The following NLRP2 variants were observed in gnomAD, a reference collection of about 807,000 sequenced individuals.
NLRP2 encodes the protein NLR family pyrin domain containing 2, also known as NACHT, LRR and PYD domains-containing protein 2.
A neutral mutation model predicts 97.2 loss-of-function variants in NLRP2; 107 were observed. The ratio of observed to expected loss-of-function variants is 1.10; its 90% CI spans 0.94 to 1.29. The LOEUF (loss-of-function observed/expected upper bound fraction) is 1.29, where lower values mean the gene tolerates loss of function less well. Among genes scored for constraint, NLRP2 ranks in the 50% most tolerant of loss-of-function variants. NLRP2 has a pLI of 0.00. For synonymous variants in NLRP2, 663 were observed against 551.5 expected (o/e 1.20, Z -2.83); for missense variants, 1,495 against 1,330.3 (o/e 1.12, Z -1.93).
Position 54,976,810 on chromosome 19 carries a change from C to CTTTT in NLRP2, c.326-941_326-940insTTTT, listed in dbSNP as rs749684265. 3,145 of 317,068 alleles carry CTTTT rather than the reference C, an allele frequency of 9.9e-3. 277 individuals carry two copies. Among genetic ancestry groups the CTTTT allele is most frequent in the South Asian group, 0.012 (559 of 47,290 alleles). 19.6% of individuals were successfully genotyped at this position (317,068 alleles called of 1,614,324 possible). A position where few individuals can be genotyped will look rare whatever the true frequency, so the allele number is the denominator to read the frequency against. ...TTATTAGGATTCCACCTTGTTCTCT[C>CTTTT]TCTTTTTTTTTTTTTTTTTGATACG... On this transcript the variant is annotated intron_variant, in intron 3 of 12. Coordinates refer to ENST00000448584, the MANE Select transcript of NLRP2 (RefSeq NM_017852.5).
At chr19:54,997,903 C>T (rs965620507) in intron 12 of NLRP2, among the ~76,000 whole-genome samples, 1 of 151,822 alleles carries the variant, frequency 6.6e-6, no homozygotes, top group African/African-American at 2.4e-5. Context: ...GGTTTATAAG[C>T]ATGAACCATT....
At chr19:54,974,785 T>C (rs1489098678) in intron 3 of NLRP2, among the ~76,000 whole-genome samples, 4 of 152,128 alleles carry the variant, frequency 2.6e-5, no homozygotes, top group African/African-American at 7.2e-5. Flanking sequence ...GCTTGGCCTT[T>C]GAATCTGGAT....
chr19:54,966,671 G>T (rs907568217), intron 1 of NLRP2, among the ~76,000 whole-genome samples: 2 of 151,322 alleles, frequency 1.3e-5, no homozygotes, highest in Non-Finnish European at 2.9e-5. Flanking sequence ...TCAGCCTCCC[G>T]AGTAGCTGAG....
intron 12 of NLRP2, among the ~76,000 whole-genome samples, chr19:54,998,227 C>T (rs765016765): frequency 1.2e-4 from 18 of 151,766 alleles, no homozygotes; most frequent in Non-Finnish European, 2.4e-4. Flanking sequence ...CCATGTTGGC[C>T]AGGGTGGTCT....
At chr19:54,971,995 ATTTTTTTTTT>A (rs61335843) in intron 2 of NLRP2, among the ~76,000 whole-genome samples, 1 of 116,388 alleles carries the variant, frequency 8.6e-6, no homozygotes. Context: ...TGCCTGGCTG[ATTTTTTTTTT>A]TTTTTTTTTT....
intron 2 of NLRP2, among the ~76,000 whole-genome samples, chr19:54,971,609 A>G (rs1233299236): frequency 6.6e-6 from 1 of 151,720 alleles, no homozygotes; most frequent in Non-Finnish European, 1.5e-5. Flanking sequence ...TTTTGGCTGC[A>G]TAAATGTCTT....
At chr19:54,975,106 GTTTTTTTTTTTTTTTTTTTTTTTTT>G (rs558518586) in intron 3 of NLRP2, among the ~76,000 whole-genome samples, 17 of 58,708 alleles carry the variant, frequency 2.9e-4, no homozygotes, top group South Asian at 2.7e-3. Context: ...ACCCGGTTTT[GTTTTTTTTTTTTTTTTTTTTTTTTT>G]TTTTTTTTTT....
chr19:54,969,110 TTG>T (rs757990889), intron 1 of NLRP2, among the ~76,000 whole-genome samples: 38 of 152,286 alleles, frequency 2.5e-4, no homozygotes, highest in Admixed American at 1.2e-3. Context: ...CCTTTCATTG[TTG>T]TGTTACTACT....
rs750563035 is a variant in NLRP2 at position 54,981,629 on chromosome 19, C to T, written c.410C>T (p.Thr137Met). 1.2e-5 allele frequency: 18 copies of T among 1,564,510 alleles called. No individual in the cohort carries two copies. Among genetic ancestry groups the T allele is most frequent in the African/African-American group, 8.3e-5 (6 of 72,430 alleles). The change falls in exon 5 of 13, where the codon ACG becomes ATG. Residue 137 changes from threonine to methionine, a missense_variant. Transcript: ENST00000448584. ...FKTEAQAFTETKGNVICLGKE... is the reference protein window; with the variant it reads ...FKTEAQAFTEMKGNVICLGKE... ...TTGTATTTTGTAGCGTTTACAGAAA[C>T]GAAAGGAAATGTCATCTGCCTGGGT... is the stretch of plus-strand genomic sequence containing the variant.
At chr19:54,990,865 T>C in intron 10 of NLRP2, 193 bp downstream of exon 10, 1 of 638,014 alleles carries the variant, frequency 1.6e-6, no homozygotes. Flanking sequence ...GTAGTAATAT[T>C]CTATAGGGAT....
At chr19:54,968,537 T>C (rs2070627425) in intron 1 of NLRP2, among the ~76,000 whole-genome samples, 1 of 149,870 alleles carries the variant, frequency 6.7e-6, no homozygotes, top group African/African-American at 2.5e-5. Context: ...GGTTTTGCCA[T>C]GTTGCCCAGG....
intron 4 of NLRP2, among the ~76,000 whole-genome samples, chr19:54,978,832 C>T (rs1374494742): frequency 2.1e-5 from 3 of 141,434 alleles, no homozygotes; most frequent in South Asian, 2.2e-4. Context: ...GGCAACAGTG[C>T]GAGACTCCAT....
In NLRP2 at chr19:54,967,421, G is replaced by C. The variant is rs572463767; in HGVS notation, c.-18+954G>C. ...CACTTGAACCCGGGAAGCGGAGGTT[G>C]CGGGGAGCCTAGATCATACCATTGC... On this transcript the variant is annotated intron_variant, in intron 1 of 12. Coordinates refer to ENST00000448584, the MANE Select transcript of NLRP2 (RefSeq NM_017852.5). 4.6e-5 allele frequency among the ~76,000 whole-genome samples: 7 copies of C among 152,192 alleles called. No homozygotes were observed. In the South Asian group the frequency reaches 1.5e-3, roughly 32 times the overall value.
At chr19:54,972,171 C>G (rs1486593920) in intron 2 of NLRP2, among the ~76,000 whole-genome samples, 2 of 150,440 alleles carry the variant, frequency 1.3e-5, no homozygotes, top group Non-Finnish European at 3.0e-5. Context: ...ACTCTACTTT[C>G]TACCCCATAA....
rs989447661 is a variant in NLRP2 at position 54,983,693 on chromosome 19, T to A, written c.1995T>A (p.Asn665Lys). 1.2e-6 allele frequency: 2 copies of A among 1,613,380 alleles called. No individual in the cohort carries two copies. The highest frequency in any genetic ancestry group is 8.5e-7 in the Non-Finnish European group (1 of 1,179,982). ...LQVIKENLPE[N>K]VTASESDAEV... The stretch of plus-strand genomic sequence containing the variant: ...TAATAAAGGAGAATCTCCCGGAGAA[T>A]GTCACTGCGTCTGAATCAGACGCCG... The change falls in exon 6 of 13, where the codon AAT (asparagine) becomes AAA (lysine). Residue 665 changes from asparagine to lysine, a missense_variant. Transcript: ENST00000448584.
intron 1 of NLRP2, among the ~76,000 whole-genome samples, chr19:54,966,668 C>G (rs1173680425): frequency 2.6e-5 from 4 of 151,746 alleles, no homozygotes; most frequent in Non-Finnish European, 1.5e-5. Context: ...GCCTCAGCCT[C>G]CCGAGTAGCT....
chr19:54,967,344 TG>T (rs1168269860), intron 1 of NLRP2, among the ~76,000 whole-genome samples: 1 of 151,956 alleles, frequency 6.6e-6, no homozygotes, highest in African/African-American at 2.4e-5. Context: ...TAGGTGGGCG[TG>T]GTAGCGCATA....
At chr19:54,974,479 T>TC in intron 2 of NLRP2, 21 bp from the exon 3 acceptor site, 2 of 1,607,112 alleles carry the variant, frequency 1.2e-6, no homozygotes, top group Non-Finnish European at 1.7e-6. Context: ...TGCAAAATTT[T>TC]CCCCCCTTCT....
intron 9 of NLRP2, 110 bp from the exon 10 acceptor site, chr19:54,990,392 A>C (rs1187268051): frequency 1.7e-6 from 2 of 1,193,104 alleles, no homozygotes; most frequent in African/African-American, 3.0e-5. Context: ...GCATGATAGA[A>C]GGTGGGGAGT....
Sources: allele counts gnomAD v4.1 joint callset (sites outside exome capture counted in the v4.1 genomes callset), GRCh38; gene constraint gnomAD v4.1.1; transcripts MANE v1.5; gene names NCBI Gene and HGNC (gene_info 2026-07-23, HGNC 2026-07-21).